Variants in BAZ1A observed in about 807,000 individuals in gnomAD.
The protein encoded by BAZ1A is bromodomain adjacent to zinc finger domain protein 1A.
A neutral mutation model predicts 185.2 loss-of-function variants in BAZ1A; 50 were observed. The ratio of observed to expected loss-of-function variants is 0.27; its 90% confidence interval spans 0.22 to 0.34. BAZ1A has a LOEUF of 0.34. Ranked by LOEUF, BAZ1A falls within the 10% of genes least tolerant of loss-of-function variation. BAZ1A has a pLI of 1.00. For missense variants in BAZ1A, 1,356 were observed against 1,839.9 expected, an observed-to-expected ratio of 0.74 and a Z score of 4.81; for synonymous variants, 571 against 615.6, an observed-to-expected ratio of 0.93 and a Z score of 1.07.
At chr14:34,825,447 CAAAAAAA>C (rs35449855) in intron 4 of BAZ1A, among the ~76,000 whole-genome samples, 9 of 55,406 alleles carry the variant, frequency 1.6e-4, no homozygotes, top group African/African-American at 4.2e-4. Context: ...AACTCTGTCT[CAAAAAAA>C]AAAAAAAAAA....
chr14:34,819,878 C>T (rs1288195647), intron 4 of BAZ1A, among the ~76,000 whole-genome samples: 1 of 152,172 alleles, frequency 6.6e-6, no homozygotes, highest in Non-Finnish European at 1.5e-5. Flanking sequence ...TGCCATTTTT[C>T]ACTTCCACCA....
intron 3 of BAZ1A, among the ~76,000 whole-genome samples, chr14:34,837,148 T>A (rs1057219604): frequency 1.6e-4 from 24 of 151,920 alleles, no homozygotes; most frequent in African/African-American, 5.6e-4. Flanking sequence ...CCAACTGGCA[T>A]TTGACCTATT....
intron 4 of BAZ1A, among the ~76,000 whole-genome samples, chr14:34,820,557 G>C (rs150574290): frequency 1.3e-5 from 2 of 152,306 alleles, no homozygotes; most frequent in African/African-American, 2.4e-5. Context: ...GTCTTTTGCA[G>C]AGTAAAAGTG....
In BAZ1A at chr14:34,759,171, G is replaced by GTTTTTTTTTTTTTTTTTTTTTTTT. The variant is rs780287749; in HGVS notation, c.4244-349_4244-326dup. Among the ~76,000 whole-genome samples the GTTTTTTTTTTTTTTTTTTTTTTTT allele has an allele frequency of 7.5e-5, 5 of 66,478 alleles. 1 individual carries two copies. The highest frequency in any genetic ancestry group is 3.2e-4 in the African/African-American group (5 of 15,678). 43.6% of individuals were successfully genotyped at this position (66,478 alleles called of 152,430 possible). A position where few individuals can be genotyped will look rare whatever the true frequency, so the allele number is the denominator to read the frequency against. On this transcript the variant is annotated intron_variant, in intron 24 of 26. Transcript: ENST00000360310. The stretch of plus-strand genomic sequence containing the variant: ...TTATTAAAAATACTTTACAGCTACA[G>GTTTTTTTTTTTTTTTTTTTTTTTT]TTTTTTTTTTTTTTTTTTTTTTTTT...
At chr14:34,823,769 GT>G (rs996616343) in intron 4 of BAZ1A, among the ~76,000 whole-genome samples, 2 of 152,026 alleles carry the variant, frequency 1.3e-5, no homozygotes, top group Non-Finnish European at 2.9e-5. Flanking sequence ...ACTGGGCTTA[GT>G]TTTTTTATCT....
chr14:34,765,697 T>C (rs550131192), intron 21 of BAZ1A, among the ~76,000 whole-genome samples: 1 of 152,270 alleles, frequency 6.6e-6, no homozygotes, highest in East Asian at 1.9e-4. Context: ...TCTAAGAAAA[T>C]AGTTTTAAAA....
At chr14:34,794,969 A>C in intron 10 of BAZ1A, 82 bp from the exon 11 acceptor site, 7 of 1,517,890 alleles carry the variant, frequency 4.6e-6, no homozygotes, top group Non-Finnish European at 5.3e-6. Context: ...CTTTTTACCT[A>C]ACTATTAAGA....
intron 20 of BAZ1A, among the ~76,000 whole-genome samples, chr14:34,772,535 A>T (rs534432673): frequency 6.6e-6 from 1 of 152,362 alleles, no homozygotes; most frequent in Admixed American, 6.5e-5. Context: ...TTAAAGGCAT[A>T]TAATATCCAA....
At chr14:34,793,114 C>T (rs943898652) in intron 11 of BAZ1A, among the ~76,000 whole-genome samples, 193 bp from the exon 12 acceptor site, 1 of 152,112 alleles carries the variant, frequency 6.6e-6, no homozygotes, top group Admixed American at 6.5e-5. Flanking sequence ...ACAATAAAAT[C>T]GTAAGCCAAA....
chr14:34,759,283 C>T (rs1249984322), intron 24 of BAZ1A, among the ~76,000 whole-genome samples: 1 of 147,142 alleles, frequency 6.8e-6, no homozygotes, highest in African/African-American at 2.5e-5. Context: ...TGGGTTCATG[C>T]CATTCTCCTG....
intron 11 of BAZ1A, 138 bp downstream of exon 11, chr14:34,794,611 G>C: frequency 7.8e-6 from 6 of 774,044 alleles, no homozygotes; most frequent in Non-Finnish European, 1.2e-5. Context: ...GTGAGAAGAA[G>C]CCATTTTGAA....
chr14:34,772,062 C>A (rs1959155), intron 20 of BAZ1A, among the ~76,000 whole-genome samples: 87,989 of 151,746 alleles, frequency 0.58, 25,726 homozygotes, highest in South Asian at 0.67. Context: ...TCACACCATT[C>A]TCCTGCCTCA....
chr14:34,861,925 A>G, intron 3 of BAZ1A, 119 bp downstream of exon 3: 1 of 1,174,382 alleles, frequency 8.5e-7, no homozygotes, highest in Non-Finnish European at 1.2e-6. Context: ...TCTGTGGGTT[A>G]ACAGAATAGC....
intron 4 of BAZ1A, among the ~76,000 whole-genome samples, chr14:34,822,021 G>A (rs1284050246): frequency 6.7e-6 from 1 of 148,858 alleles, no homozygotes; most frequent in East Asian, 2.0e-4. Flanking sequence ...TAGGCAGGGT[G>A]TGGTGGCTCA....
chr14:34,768,798 T>C (rs930219568), intron 21 of BAZ1A: 13 of 407,562 alleles, frequency 3.2e-5, no homozygotes, highest in Non-Finnish European at 4.3e-5. Context: ...CAAACTGATA[T>C]AGTTAGTTGA....
intron 8 of BAZ1A, among the ~76,000 whole-genome samples, chr14:34,800,680 T>C (rs1881472012): frequency 6.6e-6 from 1 of 152,196 alleles, no homozygotes; most frequent in Non-Finnish European, 1.5e-5. Flanking sequence ...TGTTAAAAAA[T>C]GCAGAATCTC....
intron 11 of BAZ1A, among the ~76,000 whole-genome samples, chr14:34,794,308 A>C (rs1165195079): frequency 6.6e-6 from 1 of 152,240 alleles, no homozygotes; most frequent in Non-Finnish European, 1.5e-5. Context: ...CACAGGCCAA[A>C]GAGAATTACA....
rs1233059393 is a variant in BAZ1A at position 34,872,936 on chromosome 14, A to AC, written c.113+1555_113+1556insG. The stretch of plus-strand genomic sequence containing the variant: ...CCTAAAAAAAAAAAAAAAAAAAAAA[A>AC]AAAAACTTGTCCAATTACCTAATCC... On this transcript the variant is annotated intron_variant, in intron 2 of 26. Transcript: ENST00000360310. 1.1e-3 allele frequency among the ~76,000 whole-genome samples: 147 copies of AC among 133,096 alleles called. 2 individuals carry two copies. The highest frequency in any genetic ancestry group is 1.8e-3 in the Non-Finnish European group (106 of 59,152). 87.3% of individuals were successfully genotyped at this position (133,096 alleles called of 152,430 possible). A position where few individuals can be genotyped will look rare whatever the true frequency, so the allele number is the denominator to read the frequency against.
intron 2 of BAZ1A, among the ~76,000 whole-genome samples, chr14:34,872,993 T>C (rs1048663371): frequency 1.3e-5 from 2 of 149,974 alleles, no homozygotes; most frequent in African/African-American, 4.9e-5. Context: ...AGAACTCTAT[T>C]TGAGTAACAA....
Sources: gnomAD v4.1 joint callset for allele counts (sites outside exome capture counted in the v4.1 genomes callset) on GRCh38, gnomAD v4.1.1 for gene constraint, MANE v1.5 for transcripts, NCBI Gene and HGNC (gene_info 2026-07-23, HGNC 2026-07-21) for gene names.